MICU2: variants seen among roughly 807,000 people sequenced by gnomAD.
MICU2 encodes calcium uptake protein 2, mitochondrial.
A neutral mutation model predicts 60.4 loss-of-function variants in MICU2; 64 were observed. That is an observed-to-expected ratio of 1.06 (90% CI 0.87 to 1.31). The LOEUF is 1.31. MICU2 is among the 50% of genes most tolerant of loss of function. The pLI, the probability that MICU2 is intolerant of heterozygous loss-of-function variation, is 0.00. For synonymous variants in MICU2, 201 were observed against 175.0 expected, an observed-to-expected ratio of 1.15 and a Z score of -1.17; for missense variants, 569 against 531.0, an observed-to-expected ratio of 1.07 and a Z score of -0.70.
At position 21,539,639 on chromosome 13, in the gene MICU2, C is replaced by G. The variant is rs575642685; in HGVS notation, c.390+18G>C. On this transcript the variant is annotated intron_variant, in intron 3 of 11. Coordinates refer to ENST00000382374, the MANE Select transcript of MICU2 (RefSeq NM_152726.3). ...TCTTACCAAAAACAAACCCTGCCCC[C>G]CACAACATGATGCTTACCTTTTTTG... is the stretch of plus-strand genomic sequence containing the variant. 6.2e-7 allele frequency: 1 copy of G among 1,614,044 alleles called. No individual in the cohort carries two copies. Among genetic ancestry groups the G allele is most frequent in the South Asian group, 1.1e-5 (1 of 91,074 alleles).
In MICU2 at chr13:21,528,819, A is replaced by G. The variant is rs574029228; in HGVS notation, c.467-6169T>C. On this transcript the variant is annotated intron_variant, in intron 4 of 11. Coordinates refer to ENST00000382374, the MANE Select transcript of MICU2 (RefSeq NM_152726.3). The stretch of plus-strand genomic sequence containing the variant: ...TGCAGGGGAGGGAACAATTCTTTCT[A>G]CTGAAGAAGTTAAAAACAATTCCCA... Among the ~76,000 whole-genome samples the G allele has an allele frequency of 9.2e-5, 14 of 152,320 alleles. No individual in the cohort carries two copies. The South Asian group carries it at 2.9e-3, about 32-fold the overall frequency.
chr13:21,578,781 T>C (rs1348993083), intron 1 of MICU2, among the ~76,000 whole-genome samples: 2 of 152,170 alleles, frequency 1.3e-5, no homozygotes, highest in Non-Finnish European at 2.9e-5. Context: ...AACTGTAAAT[T>C]ACTGCATATT....
intron 4 of MICU2, among the ~76,000 whole-genome samples, chr13:21,538,622 A>G (rs549125080): frequency 2.4e-4 from 37 of 151,988 alleles, no homozygotes; most frequent in African/African-American, 8.4e-4. Context: ...AGAGTTACAG[A>G]ATATAACAAC....
chr13:21,578,391 A>C (rs1465206257), intron 1 of MICU2, among the ~76,000 whole-genome samples: 1 of 152,214 alleles, frequency 6.6e-6, no homozygotes, highest in Non-Finnish European at 1.5e-5. Context: ...GTTTGAGACT[A>C]GTCTAGGGAA....
intron 1 of MICU2, among the ~76,000 whole-genome samples, chr13:21,582,514 T>C (rs1350142463): frequency 6.6e-6 from 1 of 152,206 alleles, no homozygotes; most frequent in Non-Finnish European, 1.5e-5. Context: ...TCAGTAAACA[T>C]AAATTATTAT....
intron 9 of MICU2, among the ~76,000 whole-genome samples, chr13:21,498,938 T>G (rs113188715): frequency 4.6e-5 from 7 of 152,034 alleles, no homozygotes; most frequent in African/African-American, 1.7e-4. Context: ...AGATGAAAAA[T>G]GGTATTTTAT....
At chr13:21,553,235 T>C (rs895268241) in intron 2 of MICU2, among the ~76,000 whole-genome samples, 2 of 152,132 alleles carry the variant, frequency 1.3e-5, no homozygotes, top group African/African-American at 4.8e-5. Context: ...CTCTGTCTGT[T>C]ACTGGTGTAT....
chr13:21,534,394 T>C (rs1051507422), intron 4 of MICU2, among the ~76,000 whole-genome samples: 1 of 152,026 alleles, frequency 6.6e-6, no homozygotes, highest in African/African-American at 2.4e-5. Context: ...TTTGTGGAGA[T>C]GGGGGTCTCC....
chr13:21,586,430 T>C (rs995642287), intron 1 of MICU2, among the ~76,000 whole-genome samples: 12 of 152,168 alleles, frequency 7.9e-5, no homozygotes, highest in African/African-American at 1.7e-4. Context: ...TTTTTAAAGA[T>C]AGGGTCTTGG....
chr13:21,576,854 A>G (rs752013391), intron 1 of MICU2, among the ~76,000 whole-genome samples: 8 of 152,224 alleles, frequency 5.3e-5, no homozygotes, highest in African/African-American at 1.9e-4. Context: ...TTTTTTAAAA[A>G]GCCCTGCAAA....
intron 11 of MICU2, among the ~76,000 whole-genome samples, chr13:21,493,734 T>A (rs1054250891): frequency 6.6e-6 from 1 of 151,792 alleles, no homozygotes; most frequent in African/African-American, 2.4e-5. Flanking sequence ...TGTTTAGCTA[T>A]GTAGAATACA....
At chr13:21,519,416 C>T (rs1324063420) in intron 6 of MICU2, among the ~76,000 whole-genome samples, 2 of 152,078 alleles carry the variant, frequency 1.3e-5, no homozygotes, top group Non-Finnish European at 2.9e-5. Context: ...TCCTCAGACT[C>T]CATTATCCTG....
At chr13:21,518,994 T>C (rs1276384259) in intron 6 of MICU2, among the ~76,000 whole-genome samples, 3 of 152,206 alleles carry the variant, frequency 2.0e-5, no homozygotes, top group Non-Finnish European at 4.4e-5. Flanking sequence ...CCAACTGACC[T>C]ACACAATTTC....
chr13:21,544,062 G>A (rs1887348604), intron 2 of MICU2, among the ~76,000 whole-genome samples: 1 of 152,128 alleles, frequency 6.6e-6, no homozygotes, highest in South Asian at 2.1e-4. Flanking sequence ...AAGTTGAGGA[G>A]AGAACACTCT....
At chr13:21,564,241 T>C (rs953131944) in intron 2 of MICU2, among the ~76,000 whole-genome samples, 2 of 152,182 alleles carry the variant, frequency 1.3e-5, no homozygotes, top group African/African-American at 4.8e-5. Context: ...TTGTTCTAAG[T>C]TAGTCATGAT....
At chr13:21,579,687 A>G (rs75300944) in intron 1 of MICU2, among the ~76,000 whole-genome samples, 2 of 152,304 alleles carry the variant, frequency 1.3e-5, no homozygotes, top group African/African-American at 4.8e-5. Context: ...AGAGCAAATC[A>G]TTGAAGATCT....
At chr13:21,558,344 A>G (rs1463450186) in intron 2 of MICU2, among the ~76,000 whole-genome samples, 2 of 152,222 alleles carry the variant, frequency 1.3e-5, no homozygotes, top group Non-Finnish European at 2.9e-5. Flanking sequence ...CCTTTGAAGG[A>G]ATAATTTCCA....
At chr13:21,573,116 A>G (rs1029749978) in intron 1 of MICU2, among the ~76,000 whole-genome samples, 2 of 152,338 alleles carry the variant, frequency 1.3e-5, no homozygotes, top group Non-Finnish European at 2.9e-5. Flanking sequence ...TACCAGGGCT[A>G]TATCTACATA....
chr13:21,597,032 A>C (rs1790129081), intron 1 of MICU2, among the ~76,000 whole-genome samples: 1 of 152,238 alleles, frequency 6.6e-6, no homozygotes, highest in Non-Finnish European at 1.5e-5. Flanking sequence ...TTCTAAAATG[A>C]ATATTTGATA....
Sources: gnomAD v4.1 joint callset for allele counts (sites outside exome capture counted in the v4.1 genomes callset) on GRCh38, gnomAD v4.1.1 for gene constraint, MANE v1.5 for transcripts, NCBI Gene and HGNC (gene_info 2026-07-23, HGNC 2026-07-21) for gene names.